LCN1: variants seen among roughly 807,000 people sequenced by gnomAD.
The protein encoded by LCN1 is lipocalin 1.
In LCN1, 25 loss-of-function variants were observed where a neutral mutation model predicts 22.3. That is an observed-to-expected ratio of 1.12 (90% CI 0.82 to 1.56). The LOEUF is 1.56. Ranked by LOEUF, LCN1 falls within the 40% of genes most tolerant of loss-of-function variation. The pLI, the probability that LCN1 is intolerant of heterozygous loss-of-function variation, is 0.00. For synonymous variants in LCN1, 85 were observed against 97.6 expected (o/e 0.87, Z 0.76); for missense variants, 219 against 235.6 (o/e 0.93, Z 0.46).
rs1271846283 is a variant in LCN1 at position 135,524,814 on chromosome 9, G to T, written c.404-16G>T. On this transcript the variant is annotated splice_polypyrimidine_tract_variant and intron_variant, in intron 4 of 6. Coordinates refer to ENST00000371781, the MANE Select transcript of LCN1 (RefSeq NM_002297.4). ...GTGCTGCCTCGAGCACCCACATCTCGTCCTGGCACCCACAGGCAGAGACCC... is the reference window on the plus strand; with the variant it reads ...GTGCTGCCTCGAGCACCCACATCTCTTCCTGGCACCCACAGGCAGAGACCC... The T allele has an allele frequency of 1.9e-6, 3 of 1,585,624 alleles. No individual in the cohort carries two copies. The South Asian group carries it at 3.5e-5, about 18-fold the overall frequency.
rs142098402 is a variant in LCN1 at position 135,525,534 on chromosome 9, T to C, written c.*1+376T>C. 1.8e-4 allele frequency among the ~76,000 whole-genome samples: 28 copies of C among 152,202 alleles called. No individual in the cohort carries two copies. The East Asian group carries it at 5.2e-3, about 28-fold the overall frequency. ...ACTTACCCGATAAGTTGCTCAAAGA[T>C]TCAGCAAAGTGGCAGGCGTGCCTGT... On this transcript the variant is annotated intron_variant, in intron 6 of 6. Transcript: ENST00000371781.
At chr9:135,523,840 C>T (rs1831560085) in intron 3 of LCN1, 40 bp from the exon 4 acceptor site, 1 of 1,561,656 alleles carries the variant, frequency 6.4e-7, no homozygotes, top group Non-Finnish European at 8.8e-7. Context: ...TCTGAAGTCC[C>T]TGGTGGCTAA....
chr9:135,525,237 C>A, intron 6 of LCN1, 79 bp downstream of exon 6: 1 of 1,425,338 alleles, frequency 7.0e-7, no homozygotes, highest in Non-Finnish European at 9.7e-7. Context: ...CATGGGGTCT[C>A]TCCCACCCAT....
chr9:135,523,696 T>C lies in LCN1; in HGVS notation c.293-184T>C, dbSNP rs554736301. ...CCGCCTCTTGGGTACATCAGGTTCC[T>C]GGGAAGTGGGGGTCCCATGGCCTGG... On this transcript the variant is annotated intron_variant, in intron 3 of 6. Transcript: ENST00000371781. 3.6e-3 allele frequency among the ~76,000 whole-genome samples: 555 copies of C among 152,244 alleles called. 2 individuals are homozygous for C. Among genetic ancestry groups the C allele is most frequent in the African/African-American group, 0.013 (526 of 41,548 alleles).
chr9:135,524,586 C>G (rs181906090), intron 4 of LCN1, among the ~76,000 whole-genome samples: 1 of 152,324 alleles, frequency 6.6e-6, no homozygotes, highest in East Asian at 1.9e-4. Context: ...CATCCTCACT[C>G]CGGGAGATGC....
At chr9:135,525,263 G>C in intron 6 of LCN1, 105 bp downstream of exon 6, 1 of 1,178,754 alleles carries the variant, frequency 8.5e-7, no homozygotes. Context: ...TCCTACCTGG[G>C]TGGGAGATGC....
At position 135,523,349 on chromosome 9, in the gene LCN1, G is replaced by C. The variant is rs780584853; in HGVS notation, c.292+47G>C. The C allele has an allele frequency of 3.2e-6, 5 of 1,564,792 alleles. No individual in the cohort carries two copies. The African/African-American group carries it at 5.4e-5, about 17-fold the overall frequency. On this transcript the variant is annotated intron_variant, in intron 3 of 6. Transcript: ENST00000371781. ...AGAGCCTGAGCTTGAACACACGCTGGATGTGCGGGGGCAGCCAGTGCCTTT... is the reference window on the plus strand; with the variant it reads ...AGAGCCTGAGCTTGAACACACGCTGCATGTGCGGGGGCAGCCAGTGCCTTT...
intron 4 of LCN1, among the ~76,000 whole-genome samples, 187 bp from the exon 5 acceptor site, chr9:135,524,640 GCCA>G (rs987238670): frequency 6.6e-6 from 1 of 152,170 alleles, no homozygotes; most frequent in Non-Finnish European, 1.5e-5. Flanking sequence ...CGGTTCTGCT[GCCA>G]CAGGAGCCTT....
rs780455251 is a variant in LCN1, at chr9:135,523,280, C to G, written c.270C>G (p.Asp90Glu). 2 of 1,612,348 alleles carry G rather than the reference C, an allele frequency of 1.2e-6. No individual in the cohort carries two copies. The highest frequency in any genetic ancestry group is 2.2e-5 in the South Asian group (2 of 90,860). Residue 90 changes from aspartate (D) to glutamate (E), a missense_variant, in exon 3 of 7, where the codon GAC (aspartate) becomes GAG (glutamate). Physicochemically the swap from Asp to Glu is conservative, Grantham distance 45. Transcript: ENST00000371781. The part of the protein sequence containing the change: ...QEVKAVLEKT[D>E]EPGKYTADGG... ...TGAAGGCCGTCCTGGAGAAAACTGACGAGCCGGGAAAATACACGGCCGGTG... is the reference window on the plus strand; with the variant it reads ...TGAAGGCCGTCCTGGAGAAAACTGAGGAGCCGGGAAAATACACGGCCGGTG...
chr9:135,526,426 T>A lies in LCN1; in HGVS notation c.*84T>A. 7.8e-7 allele frequency: 1 copy of A among 1,283,128 alleles called. No individual in the cohort carries two copies. The allele number at this position is 1,283,128 out of a possible 1,614,324, so 79.5% of individuals were successfully genotyped here. A position where few individuals can be genotyped will look rare whatever the true frequency, so the allele number is the denominator to read the frequency against. On this transcript the variant is annotated 3_prime_UTR_variant, in exon 7 of 7. Transcript: ENST00000371781. ...TCATTCACAGGGACATGGAAAAAGC[T>A]CCCCACCCCTGCAGAACGCGGCTGG... is the stretch of plus-strand genomic sequence containing the variant.
chr9:135,522,154 C>A lies in LCN1; in HGVS notation c.198C>A (p.Asn66Lys), dbSNP rs1427896414. 1 of 1,604,950 alleles carries A rather than the reference C, an allele frequency of 6.2e-7. No homozygotes were observed. ...PMTLTTLEGG[N>K]LEAKVTMLIS... The stretch of plus-strand genomic sequence containing the variant: ...CCCTCACGACCCTGGAAGGGGGCAA[C>A]CTGGAAGCCAAGGTCACCATGCTGT... Residue 66 changes from asparagine to lysine, a missense_variant, in exon 2 of 7, where the codon AAC becomes AAA. Physicochemically the swap from Asn to Lys is moderately conservative, Grantham distance 94 (BLOSUM62 0). Transcript: ENST00000371781.
At chr9:135,521,729 T>G in intron 1 of LCN1, 142 bp downstream of exon 1, 1 of 539,650 alleles carries the variant, frequency 1.9e-6, no homozygotes, top group Non-Finnish European at 3.0e-6. Context: ...AATGGTGGGA[T>G]GGGGCAGCAG....
At chr9:135,524,723 G>A in intron 4 of LCN1, 107 bp from the exon 5 acceptor site, 2 of 824,574 alleles carry the variant, frequency 2.4e-6, no homozygotes, top group Non-Finnish European at 3.8e-6. Context: ...TCCCCCCACG[G>A]TGGGCGAGGT....
intron 3 of LCN1, 107 bp downstream of exon 3, chr9:135,523,409 T>C: frequency 1.0e-6 from 1 of 984,896 alleles, no homozygotes; most frequent in Non-Finnish European, 1.5e-6. Flanking sequence ...AGCCTTTTGC[T>C]GCCTTCTGAC....
Position 135,526,432 on chromosome 9 carries a change from C to G in LCN1, c.*90C>G. 5.4e-6 allele frequency: 7 copies of G among 1,286,562 alleles called. No individual in the cohort carries two copies. Among genetic ancestry groups the G allele is most frequent in the African/African-American group, 1.5e-5 (1 of 65,490 alleles). The allele number at this position is 1,286,562 out of a possible 1,614,324, so 79.7% of individuals were successfully genotyped here. A position where few individuals can be genotyped will look rare whatever the true frequency, so the allele number is the denominator to read the frequency against. ...ACAGGGACATGGAAAAAGCTCCCCACCCCTGCAGAACGCGGCTGGCTGCAC... is the reference window on the plus strand; with the variant it reads ...ACAGGGACATGGAAAAAGCTCCCCAGCCCTGCAGAACGCGGCTGGCTGCAC... On this transcript the variant is annotated 3_prime_UTR_variant, in exon 7 of 7. Coordinates refer to ENST00000371781, the MANE Select transcript of LCN1 (RefSeq NM_002297.4).
rs765579199 is a variant in LCN1, at chr9:135,522,036, G to T, written c.91-11G>T. ...GTCGGCCTGAGCCTGATAGAGAGGGGCCTTCTCCAGGTGTCAGGGACGTGG... is the reference window on the plus strand; with the variant it reads ...GTCGGCCTGAGCCTGATAGAGAGGGTCCTTCTCCAGGTGTCAGGGACGTGG... On this transcript the variant is annotated splice_polypyrimidine_tract_variant and intron_variant, in intron 1 of 6. Transcript: ENST00000371781. The T allele has an allele frequency of 1.9e-6, 3 of 1,590,624 alleles. No individual in the cohort carries two copies. The highest frequency in any genetic ancestry group is 2.6e-6 in the Non-Finnish European group (3 of 1,168,944).
rs371659516 is a variant in LCN1 at position 135,526,381 on chromosome 9, G to A, written c.*39G>A. ...CTTGGCTCCTCAGCAGCCCAAGGAC[G>A]GCACCATCCAGCACCTCCGTCATTC... On this transcript the variant is annotated 3_prime_UTR_variant, in exon 7 of 7. Coordinates refer to ENST00000371781, the MANE Select transcript of LCN1 (RefSeq NM_002297.4). 35 of 1,277,648 alleles carry A rather than the reference G, an allele frequency of 2.7e-5. 1 individual carries two copies. Among genetic ancestry groups the A allele is most frequent in the African/African-American group, 6.4e-5 (4 of 62,678 alleles). 79.1% of individuals were successfully genotyped at this position (1,277,648 alleles called of 1,614,324 possible). A position where few individuals can be genotyped will look rare whatever the true frequency, so the allele number is the denominator to read the frequency against.
At chr9:135,524,467 G>A (rs575764610) in intron 4 of LCN1, among the ~76,000 whole-genome samples, 1 of 152,312 alleles carries the variant, frequency 6.6e-6, no homozygotes, top group Admixed American at 6.5e-5. Flanking sequence ...GGCCCATGAA[G>A]GCTCCTGAGT....
intron 6 of LCN1, 149 bp downstream of exon 6, chr9:135,525,307 C>T: frequency 4.0e-6 from 3 of 752,808 alleles, no homozygotes; most frequent in Non-Finnish European, 6.5e-6. Flanking sequence ...AGCTCTGCTC[C>T]TGAGCTGCCC....
Sources: allele counts gnomAD v4.1 joint callset (sites outside exome capture counted in the v4.1 genomes callset), GRCh38; gene constraint gnomAD v4.1.1; transcripts MANE v1.5; gene names NCBI Gene and HGNC (gene_info 2026-07-23, HGNC 2026-07-21).